Variants in PRKCB observed in about 807,000 individuals in gnomAD.
PRKCB encodes protein kinase C beta.
Under a neutral mutation model 81.5 loss-of-function variants are expected in PRKCB, and 13 were observed. The observed-to-expected ratio is 0.16, with a 90% CI of 0.10 to 0.25. The LOEUF (loss-of-function observed/expected upper bound fraction) is 0.25. Among genes scored for constraint, PRKCB ranks in the 10% least tolerant of loss-of-function variants. The pLI is 1.00. For missense variants in PRKCB, 509 were observed against 875.7 expected (o/e 0.58, Z 5.29); for synonymous variants, 335 against 321.4 (o/e 1.04, Z -0.45).
intron 5 of PRKCB, among the ~76,000 whole-genome samples, chr16:24,061,914 A>T (rs967270888): frequency 1.8e-4 from 26 of 146,906 alleles, no homozygotes; most frequent in African/African-American, 2.0e-4. Context: ...AATAAATAAA[A>T]AAAAAAAAAA....
At chr16:24,174,964 T>G in intron 12 of PRKCB, 1 of 165,494 alleles carries the variant, frequency 6.0e-6, no homozygotes, top group Non-Finnish European at 1.3e-5. Flanking sequence ...GAAACATTTT[T>G]TATTTATTTA....
Position 24,219,551 on chromosome 16 carries a change from T to A in PRKCB, c.*4735T>A, listed in dbSNP as rs1968287697. The A allele has an allele frequency of 2.0e-6, 2 of 990,352 alleles. No homozygotes were observed. Among genetic ancestry groups the A allele is most frequent in the Non-Finnish European group, 2.4e-6 (2 of 833,138 alleles). The allele number at this position is 990,352 out of a possible 1,614,324, so 61.3% of individuals were successfully genotyped here. On this transcript the variant is annotated 3_prime_UTR_variant, in exon 17 of 17. Transcript: ENST00000643927. ...TCTAGCCACCTGGGCTGCTACTGAA[T>A]GGTTTTCTCCAGGACGCTCTACCTA...
At chr16:24,188,067 G>T (rs1233940767) in intron 15 of PRKCB, among the ~76,000 whole-genome samples, 1 of 152,208 alleles carries the variant, frequency 6.6e-6, no homozygotes, top group Non-Finnish European at 1.5e-5. Flanking sequence ...GTTCTAAATG[G>T]GTCATGGAGG....
In PRKCB at chr16:23,836,417, CGCGCCCTCT is replaced by C. The variant is rs1165116175; in HGVS notation, c.173+78_173+86del. On this transcript the variant is annotated intron_variant, in intron 1 of 16. Coordinates refer to ENST00000643927, the MANE Select transcript of PRKCB (RefSeq NM_002738.7). ...AGCGCCGCGCCAGGGACCCCCTCTCCGCGCCCTCTGCGCCCTCCGCGCCCTCCGCACCCT... is the reference window on the plus strand; with the variant it reads ...AGCGCCGCGCCAGGGACCCCCTCTCCGCGCCCTCCGCGCCCTCCGCACCCT... 15 of 1,501,780 alleles carry C rather than the reference CGCGCCCTCT, an allele frequency of 1.0e-5. No homozygotes were observed. In the Admixed American group the frequency reaches 2.5e-4, roughly 25 times the overall value. The allele number at this position is 1,501,780 out of a possible 1,614,324, so 93.0% of individuals were successfully genotyped here.
chr16:24,174,787 G>A, intron 12 of PRKCB: 1 of 485,432 alleles, frequency 2.1e-6, no homozygotes, highest in Non-Finnish European at 3.7e-6. Flanking sequence ...AAATCTCGGT[G>A]GACTGTGTCA....
chr16:23,938,639 C>G (rs1021288369), intron 2 of PRKCB, among the ~76,000 whole-genome samples: 1 of 152,138 alleles, frequency 6.6e-6, no homozygotes, highest in Admixed American at 6.5e-5. Context: ...GATATGAAAA[C>G]TTTACTTAAT....
At chr16:23,896,153 G>T in intron 2 of PRKCB, among the ~76,000 whole-genome samples, 1 of 148,730 alleles carries the variant, frequency 6.7e-6, no homozygotes. Context: ...TCCTGCCTTT[G>T]AAGATTTTAG....
chr16:23,988,420 G>A, intron 2 of PRKCB, 88 bp from the exon 3 acceptor site: 1 of 1,067,714 alleles, frequency 9.4e-7, no homozygotes, highest in South Asian at 1.4e-5. Flanking sequence ...TGAAGTTCAA[G>A]TTTAATGATC....
chr16:24,110,900 C>T (rs768679531), intron 7 of PRKCB, among the ~76,000 whole-genome samples: 33 of 151,848 alleles, frequency 2.2e-4, no homozygotes, highest in Non-Finnish European at 3.4e-4. Context: ...AATTTCCTTC[C>T]AAGGAAGAAA....
chr16:23,853,778 C>T lies in PRKCB; in HGVS notation c.205+16372C>T, dbSNP rs186480783. Among the ~76,000 whole-genome samples the T allele has an allele frequency of 2.9e-4, 44 of 151,688 alleles. 1 individual carries two copies. Among genetic ancestry groups the T allele is most frequent in the Admixed American group, 2.7e-3 (41 of 15,210 alleles). On this transcript the variant is annotated intron_variant, in intron 2 of 16. Coordinates refer to ENST00000643927, the MANE Select transcript of PRKCB (RefSeq NM_002738.7). The stretch of plus-strand genomic sequence containing the variant: ...GTTATTAGAACAATCTGGCTCTTGT[C>T]AGACTTTCTAGTTTTTCAATCAGTC...
intron 7 of PRKCB, among the ~76,000 whole-genome samples, chr16:24,110,153 G>A (rs1306342466): frequency 7.9e-6 from 1 of 126,946 alleles, no homozygotes; most frequent in East Asian, 2.1e-4. Context: ...AGGGAGAGGA[G>A]GGAGAGGAGG....
chr16:23,847,471 T>TCCATCCATCCAC (rs1555478120), intron 2 of PRKCB, among the ~76,000 whole-genome samples: 2,208 of 141,898 alleles, frequency 0.016, 59 homozygotes, highest in African/African-American at 0.027. Flanking sequence ...CATCCATCCA[T>TCCATCCATCCAC]CCATCCACCC....
At chr16:23,932,610 G>A (rs1218195707) in intron 2 of PRKCB, among the ~76,000 whole-genome samples, 3 of 152,210 alleles carry the variant, frequency 2.0e-5, no homozygotes, top group African/African-American at 7.2e-5. Flanking sequence ...GGAAGGATCA[G>A]GCATCTCAGG....
At chr16:24,017,892 ATTTTTTTTTTTTT>A (rs35809970) in intron 3 of PRKCB, among the ~76,000 whole-genome samples, 4 of 113,264 alleles carry the variant, frequency 3.5e-5, no homozygotes, top group African/African-American at 7.0e-5. Flanking sequence ...ACCATAACTA[ATTTTTTTTTTTTT>A]TTTTTTTTTT....
intron 8 of PRKCB, among the ~76,000 whole-genome samples, chr16:24,116,285 G>A (rs1280120718): frequency 1.3e-5 from 2 of 152,122 alleles, no homozygotes; most frequent in East Asian, 1.9e-4. Context: ...GGCCAGGCAC[G>A]GTGGCTCATG....
chr16:23,874,995 T>G (rs997607084), intron 2 of PRKCB, among the ~76,000 whole-genome samples: 2 of 151,968 alleles, frequency 1.3e-5, no homozygotes, highest in Non-Finnish European at 2.9e-5. Flanking sequence ...TTCAGCCATG[T>G]GTTGTTTTTG....
intron 3 of PRKCB, among the ~76,000 whole-genome samples, chr16:24,003,569 G>C (rs1353920760): frequency 2.0e-5 from 3 of 152,102 alleles, no homozygotes; most frequent in East Asian, 3.8e-4. Flanking sequence ...ATTTTCAGTA[G>C]AGATAAGGTT....
intron 7 of PRKCB, among the ~76,000 whole-genome samples, chr16:24,104,845 G>T (rs976806910): frequency 6.6e-5 from 10 of 152,168 alleles, no homozygotes; most frequent in African/African-American, 2.2e-4. Flanking sequence ...TGGGGAGAGG[G>T]TTGGCGGATC....
intron 2 of PRKCB, among the ~76,000 whole-genome samples, chr16:23,897,848 T>TCCAC (rs1297269802): frequency 1.3e-5 from 2 of 152,052 alleles, no homozygotes; most frequent in Non-Finnish European, 2.9e-5. Context: ...CATCCACCCA[T>TCCAC]CCACCCACCC....
Sources: allele counts gnomAD v4.1 joint callset (sites outside exome capture counted in the v4.1 genomes callset), GRCh38; gene constraint gnomAD v4.1.1; transcripts MANE v1.5; gene names NCBI Gene and HGNC (gene_info 2026-07-23, HGNC 2026-07-21).